The following CFAP47 variants were observed in gnomAD, a reference collection of about 807,000 sequenced individuals.
CFAP47 encodes cilia and flagella associated protein 47, also known as cilia- and flagella-associated protein 47.
Under a neutral mutation model 148.1 loss-of-function variants are expected in CFAP47, and 29 were observed. The ratio of observed to expected loss-of-function variants is 0.20; its 90% CI spans 0.15 to 0.27. The LOEUF (loss-of-function observed/expected upper bound fraction) is 0.27. Ranked by LOEUF, CFAP47 falls within the 10% of genes least tolerant of loss-of-function variation. The pLI, the probability that CFAP47 is intolerant of heterozygous loss-of-function variation, is 1.00. For synonymous variants in CFAP47, 664 were observed against 577.3 expected (o/e 1.15, Z -2.15); for missense variants, 1,872 against 1,697.5 (o/e 1.10, Z -1.81).
chrX:36,369,968 C>A (rs1463245302), intron 62 of CFAP47, among the ~76,000 whole-genome samples: 1 of 111,490 alleles, frequency 9.0e-6, no homozygotes, highest in South Asian at 3.8e-4. Context: ...TCTTCTAAGT[C>A]AAAAAATTTT....
chrX:36,229,845 G>C (rs1214686430), intron 46 of CFAP47, among the ~76,000 whole-genome samples: 6 of 94,586 alleles, frequency 6.3e-5, no homozygotes, highest in African/African-American at 2.4e-4. Flanking sequence ...CCACCTATGA[G>C]TGAGAATATG....
intron 57 of CFAP47, among the ~76,000 whole-genome samples, chrX:36,341,612 A>G (rs1309444562): frequency 1.8e-5 from 2 of 111,338 alleles, no homozygotes; most frequent in Non-Finnish European, 3.8e-5. Context: ...ATAGGAGATC[A>G]AAGAGTAAAA....
At chrX:36,044,427 G>A (rs1937441850) in intron 25 of CFAP47, among the ~76,000 whole-genome samples, 1 of 112,644 alleles carries the variant, frequency 8.9e-6, no homozygotes, top group African/African-American at 3.2e-5. Context: ...CTTCGTGTAT[G>A]CATACAACTG....
intron 21 of CFAP47, among the ~76,000 whole-genome samples, chrX:36,010,877 A>G (rs1937031835): frequency 9.0e-6 from 1 of 111,501 alleles, no homozygotes; most frequent in Non-Finnish European, 1.9e-5. Flanking sequence ...AACGTATTTA[A>G]GACAGTGGCT....
At chrX:36,238,877 C>T (rs1940506305) in intron 48 of CFAP47, among the ~76,000 whole-genome samples, 1 of 111,806 alleles carries the variant, frequency 8.9e-6, no homozygotes, top group African/African-American at 3.3e-5. Context: ...TAAGCTCCAG[C>T]CCTTCATTTT....
chrX:36,327,898 G>A (rs1040259453), intron 57 of CFAP47, among the ~76,000 whole-genome samples: 1 of 110,719 alleles, frequency 9.0e-6, no homozygotes, highest in Admixed American at 9.6e-5. Context: ...ATAAGTGGGA[G>A]AGAAACATTG....
chrX:36,036,912 C>A (rs1435733983), intron 24 of CFAP47, among the ~76,000 whole-genome samples: 1 of 111,933 alleles, frequency 8.9e-6, no homozygotes. Flanking sequence ...ATCATTTTAG[C>A]TTTGTGTGTG....
chrX:36,091,199 C>T (rs1174332594), intron 30 of CFAP47, among the ~76,000 whole-genome samples: 1 of 110,947 alleles, frequency 9.0e-6, no homozygotes, highest in African/African-American at 3.3e-5. Context: ...TCAATTTTAC[C>T]TAGGGTTTAC....
chrX:36,190,668 AT>A (rs1939855914), intron 42 of CFAP47, among the ~76,000 whole-genome samples: 1 of 111,682 alleles, frequency 9.0e-6, no homozygotes, highest in African/African-American at 3.3e-5. Context: ...TGTTGGCAAA[AT>A]TCATTTCCTT....
rs1173467653 is a variant in CFAP47, at chrX:36,318,030, C to T, written c.8345-1179C>T. Among the ~76,000 whole-genome samples the T allele has an allele frequency of 4.5e-5, 5 of 111,572 alleles. No individual in the cohort carries two copies. The Admixed American group carries it at 4.8e-4, about 11-fold the overall frequency. On this transcript the variant is annotated intron_variant, in intron 56 of 63. Transcript: ENST00000378653. ...ATAAAAATTCATATTCCCAGGTCCA[C>T]ATTCATTTATTCTGATTCATAGGGG...
chrX:35,956,972 G>T, intron 8 of CFAP47, among the ~76,000 whole-genome samples: 1 of 110,967 alleles, frequency 9.0e-6, no homozygotes, highest in Non-Finnish European at 1.9e-5. Context: ...AGTACTTTGG[G>T]AGGCCGAGGC....
intron 11 of CFAP47, 25 bp from the exon 12 acceptor site, chrX:35,971,561 A>C: frequency 2.2e-6 from 2 of 918,954 alleles, no homozygotes; most frequent in Non-Finnish European, 2.9e-6. Flanking sequence ...TCAATTACTG[A>C]TTATTATTAT....
intron 51 of CFAP47, among the ~76,000 whole-genome samples, chrX:36,290,010 C>T (rs931327666): frequency 9.1e-6 from 1 of 110,457 alleles, no homozygotes; most frequent in African/African-American, 3.3e-5. Flanking sequence ...TCAGTCTCCC[C>T]CAGTCGTCCC....
At chrX:36,027,647 G>T (rs1262461181) in intron 22 of CFAP47, among the ~76,000 whole-genome samples, 1 of 111,019 alleles carries the variant, frequency 9.0e-6, no homozygotes, top group Non-Finnish European at 1.9e-5. Context: ...CTGATGTCAT[G>T]ATTTCTTTCT....
chrX:36,097,079 C>G (rs1316962932), intron 30 of CFAP47, among the ~76,000 whole-genome samples: 1 of 111,422 alleles, frequency 9.0e-6, no homozygotes, highest in Non-Finnish European at 1.9e-5. Context: ...CAACTTAACA[C>G]AGTTTGCATA....
chrX:36,054,704 T>A (rs994650953), intron 26 of CFAP47, among the ~76,000 whole-genome samples: 7 of 111,841 alleles, frequency 6.3e-5, no homozygotes, highest in Non-Finnish European at 1.3e-4. Context: ...ATCATTTTAA[T>A]GCTTGAAAGT....
intron 13 of CFAP47, among the ~76,000 whole-genome samples, chrX:35,974,816 A>G (rs1316622413): frequency 1.8e-5 from 2 of 111,258 alleles, no homozygotes; most frequent in Admixed American, 9.6e-5. Context: ...TGAACAAAAT[A>G]CTTGTACTAG....
intron 22 of CFAP47, among the ~76,000 whole-genome samples, chrX:36,019,829 T>G (rs771995326): frequency 1.6e-3 from 177 of 112,253 alleles, no homozygotes; most frequent in African/African-American, 5.2e-3. Context: ...TCTCTCTTGT[T>G]TTTTAGTTAG....
intron 30 of CFAP47, among the ~76,000 whole-genome samples, chrX:36,088,646 C>G (rs1296233691): frequency 9.0e-6 from 1 of 111,266 alleles, no homozygotes; most frequent in African/African-American, 3.3e-5. Flanking sequence ...CTTGAACTTA[C>G]AGCATCCAGA....
Sources: gnomAD v4.1 joint callset for allele counts (sites outside exome capture counted in the v4.1 genomes callset) on GRCh38, gnomAD v4.1.1 for gene constraint, MANE v1.5 for transcripts, NCBI Gene and HGNC (gene_info 2026-07-23, HGNC 2026-07-21) for gene names.